The following KCNH1 variants were observed in gnomAD, a reference collection of about 807,000 sequenced individuals.
KCNH1 encodes the protein voltage-gated delayed rectifier potassium channel KCNH1.
A neutral mutation model predicts 69.2 loss-of-function variants in KCNH1; 27 were observed. The ratio of observed to expected loss-of-function variants is 0.39; its 90% CI spans 0.29 to 0.54. The LOEUF is 0.54. KCNH1 is among the 20% of genes least tolerant of loss of function. The pLI is 0.68. For synonymous variants in KCNH1, 456 were observed against 487.7 expected, an observed-to-expected ratio of 0.93 and a Z score of 0.86; for missense variants, 798 against 1,261.6, an observed-to-expected ratio of 0.63 and a Z score of 5.57.
chr1:211,044,480 C>T (rs1345021516), intron 5 of KCNH1, among the ~76,000 whole-genome samples: 1 of 152,338 alleles, frequency 6.6e-6, no homozygotes, highest in Admixed American at 6.5e-5. Context: ...AGACAACCCA[C>T]AGAGTGGGAG....
At chr1:211,092,876 C>T (rs186287815) in intron 3 of KCNH1, among the ~76,000 whole-genome samples, 1 of 151,248 alleles carries the variant, frequency 6.6e-6, no homozygotes, top group East Asian at 1.9e-4. Context: ...AGATGATAAA[C>T]CAGAAAATAC....
At chr1:210,828,398 A>T (rs1685080617) in intron 7 of KCNH1, among the ~76,000 whole-genome samples, 1 of 152,184 alleles carries the variant, frequency 6.6e-6, no homozygotes, top group South Asian at 2.1e-4. Flanking sequence ...AAAATGACAA[A>T]TTGGGCATTG....
At chr1:210,817,968 G>T (rs555446651) in intron 7 of KCNH1, among the ~76,000 whole-genome samples, 1 of 152,234 alleles carries the variant, frequency 6.6e-6, no homozygotes, top group Admixed American at 6.5e-5. Context: ...GCACATCCCA[G>T]TTGTGAAATG....
At chr1:210,915,557 G>T (rs143557261) in intron 7 of KCNH1, among the ~76,000 whole-genome samples, 1 of 149,230 alleles carries the variant, frequency 6.7e-6, no homozygotes, top group Non-Finnish European at 1.5e-5. Flanking sequence ...AGGGAAACCA[G>T]GGCAGAAGCT....
intron 6 of KCNH1, among the ~76,000 whole-genome samples, chr1:210,970,861 T>C (rs1688499574): frequency 6.6e-6 from 1 of 152,014 alleles, no homozygotes; most frequent in Non-Finnish European, 1.5e-5. Context: ...ACCTACAGAA[T>C]GGGAGAAAAT....
At chr1:210,968,071 T>A (rs1201748672) in intron 6 of KCNH1, among the ~76,000 whole-genome samples, 1 of 150,696 alleles carries the variant, frequency 6.6e-6, no homozygotes, top group Non-Finnish European at 1.5e-5. Context: ...CCTGTGACCA[T>A]GTGATCTCAC....
intron 7 of KCNH1, chr1:210,862,248 G>T: frequency 1.9e-6 from 2 of 1,069,426 alleles, no homozygotes; most frequent in South Asian, 1.3e-5. Flanking sequence ...GGTCCATGGT[G>T]CCCCGCAGGG....
intron 7 of KCNH1, among the ~76,000 whole-genome samples, chr1:210,818,778 G>A (rs1469037006): frequency 6.6e-6 from 1 of 152,126 alleles, no homozygotes; most frequent in African/African-American, 2.4e-5. Context: ...ACCCACATGG[G>A]CCCTATCTAC....
At chr1:210,728,600 G>A (rs1438072078) in intron 10 of KCNH1, among the ~76,000 whole-genome samples, 1 of 152,132 alleles carries the variant, frequency 6.6e-6, no homozygotes, top group African/African-American at 2.4e-5. Context: ...GCTGGTTTGA[G>A]GTATGTGTGC....
At chr1:210,995,431 C>T (rs978587132) in intron 6 of KCNH1, among the ~76,000 whole-genome samples, 13 of 152,066 alleles carry the variant, frequency 8.5e-5, no homozygotes, top group African/African-American at 3.1e-4. Flanking sequence ...AAAATAAACC[C>T]CTATCTCCAG....
chr1:210,739,417 C>T (rs76894810), intron 10 of KCNH1, among the ~76,000 whole-genome samples: 1 of 151,830 alleles, frequency 6.6e-6, no homozygotes, highest in African/African-American at 2.4e-5. Flanking sequence ...AGTTAGGGAG[C>T]CCCCCCAAGC....
At chr1:210,720,953 A>ATCTC (rs898338005) in intron 10 of KCNH1, among the ~76,000 whole-genome samples, 2 of 152,166 alleles carry the variant, frequency 1.3e-5, no homozygotes, top group Non-Finnish European at 2.9e-5. Context: ...CTCCCCCTGT[A>ATCTC]TCTCTTTCTT....
Position 210,956,934 on chromosome 1 carries a change from G to A in KCNH1, c.1033-36865C>T, listed in dbSNP as rs1022071348. ...CTCCTTCAATTCCACTCAGATCTTA[G>A]TTATTTCTTGCCTTCTGCTAACTTT... On this transcript the variant is annotated intron_variant, in intron 6 of 10. Transcript: ENST00000271751. 1.8e-4 allele frequency among the ~76,000 whole-genome samples: 27 copies of A among 152,150 alleles called. No homozygotes were observed. The South Asian group carries it at 5.0e-3, about 28-fold the overall frequency.
chr1:211,129,318 T>C (rs938977726), intron 1 of KCNH1, among the ~76,000 whole-genome samples: 2 of 152,166 alleles, frequency 1.3e-5, no homozygotes, highest in Non-Finnish European at 2.9e-5. Context: ...AAGGAACCAC[T>C]CCCAAATGAG....
At chr1:210,986,108 C>T (rs913951804) in intron 6 of KCNH1, among the ~76,000 whole-genome samples, 1 of 152,118 alleles carries the variant, frequency 6.6e-6, no homozygotes, top group African/African-American at 2.4e-5. Context: ...ATTGCAACCC[C>T]TGCCTTTTTT....
chr1:210,908,578 G>A (rs1558520791), intron 7 of KCNH1, among the ~76,000 whole-genome samples: 1 of 152,158 alleles, frequency 6.6e-6, no homozygotes, highest in South Asian at 2.1e-4. Context: ...CTGCAGGGCT[G>A]CTGTCAGTAT....
chr1:211,122,135 CA>C (rs35480571), intron 1 of KCNH1, among the ~76,000 whole-genome samples: 2,882 of 135,142 alleles, frequency 0.021, 45 homozygotes, highest in Middle Eastern at 0.056. Flanking sequence ...GACTCCGTCT[CA>C]AAAAAAAAAA....
intron 7 of KCNH1, among the ~76,000 whole-genome samples, chr1:210,838,753 G>A (rs912991191): frequency 1.3e-5 from 2 of 152,138 alleles, no homozygotes; most frequent in Non-Finnish European, 2.9e-5. Context: ...GTGGGCAAAA[G>A]ACATGAACAG....
intron 6 of KCNH1, among the ~76,000 whole-genome samples, chr1:210,946,207 G>C (rs1687955505): frequency 6.6e-6 from 1 of 152,170 alleles, no homozygotes; most frequent in Non-Finnish European, 1.5e-5. Flanking sequence ...TGCTCATCTG[G>C]AGAATATTCC....
Sources: allele counts gnomAD v4.1 joint callset (sites outside exome capture counted in the v4.1 genomes callset), GRCh38; gene constraint gnomAD v4.1.1; transcripts MANE v1.5; gene names NCBI Gene and HGNC (gene_info 2026-07-23, HGNC 2026-07-21).